YES1: variants seen among roughly 807,000 people sequenced by gnomAD.
YES1 encodes tyrosine-protein kinase Yes.
In YES1, 39 loss-of-function variants were observed where a neutral mutation model predicts 70.4. That is an observed-to-expected ratio of 0.55 (90% CI 0.43 to 0.72). YES1 has a LOEUF of 0.72. Among genes scored for constraint, YES1 ranks in the 30% least tolerant of loss-of-function variants. The pLI is 0.00. For missense variants in YES1, 495 were observed against 644.8 expected, an observed-to-expected ratio of 0.77 and a Z score of 2.52; for synonymous variants, 198 against 218.6, an observed-to-expected ratio of 0.91 and a Z score of 0.83.
chr18:789,121 C>T (rs1906110671), intron 1 of YES1, among the ~76,000 whole-genome samples: 2 of 152,198 alleles, frequency 1.3e-5, no homozygotes, highest in South Asian at 4.1e-4. Flanking sequence ...ATTTTCCACA[C>T]TGTTGTTTGG....
At chr18:788,953 T>C (rs1906102571) in intron 1 of YES1, among the ~76,000 whole-genome samples, 1 of 152,166 alleles carries the variant, frequency 6.6e-6, no homozygotes, top group Non-Finnish European at 1.5e-5. Flanking sequence ...ATGAGAAATA[T>C]TTCCTTGCTC....
Position 721,748 on chromosome 18 carries a change from G to A in YES1, c.*2676C>T, listed in dbSNP as rs1264199673. 6.6e-6 allele frequency: 1 copy of A among 152,160 alleles called. No homozygotes were observed. Among genetic ancestry groups the A allele is most frequent in the Non-Finnish European group, 1.5e-5 (1 of 68,016 alleles). The allele number at this position is 152,160 out of a possible 1,614,324, so 9.4% of individuals were successfully genotyped here. On this transcript the variant is annotated 3_prime_UTR_variant, in exon 12 of 12. Transcript: ENST00000314574. ...GAATAGCAACTAAAACGATTAATAG[G>A]TGCATTCAATGAGAACTTTTTATTT...
intron 1 of YES1, among the ~76,000 whole-genome samples, 197 bp from the exon 2 acceptor site, chr18:757,032 CA>C (rs1315006236): frequency 6.6e-6 from 1 of 152,204 alleles, no homozygotes; most frequent in African/African-American, 2.4e-5. Flanking sequence ...AGCCCTACTC[CA>C]ATCGCTTCAT....
At chr18:777,655 A>C (rs2145790772) in intron 1 of YES1, among the ~76,000 whole-genome samples, 1 of 151,916 alleles carries the variant, frequency 6.6e-6, no homozygotes, top group Admixed American at 6.6e-5. Context: ...AAAAATACAA[A>C]AATCAGCCAG....
At chr18:736,737 AC>A (rs750644702) in intron 10 of YES1, 70 bp downstream of exon 10, 61 of 1,542,762 alleles carry the variant, frequency 4.0e-5, no homozygotes, top group Non-Finnish European at 4.9e-5. Flanking sequence ...ATTCTGGAAA[AC>A]CCTGTATAGT....
At chr18:744,582 G>A (rs1017419941) in intron 6 of YES1, among the ~76,000 whole-genome samples, 2 of 149,472 alleles carry the variant, frequency 1.3e-5, no homozygotes, top group Non-Finnish European at 3.0e-5. Context: ...AATAGATAGG[G>A]TTTTGCCATG....
At chr18:751,261 C>A (rs2080339066) in intron 3 of YES1, among the ~76,000 whole-genome samples, 1 of 152,026 alleles carries the variant, frequency 6.6e-6, no homozygotes, top group Non-Finnish European at 1.5e-5. Context: ...AAAAGTCTGT[C>A]ACAAAAGGAA....
chr18:795,473 TA>T, intron 1 of YES1, among the ~76,000 whole-genome samples: 1 of 152,154 alleles, frequency 6.6e-6, no homozygotes, highest in Non-Finnish European at 1.5e-5. Context: ...CTTGCAGCAC[TA>T]TTTACAACAG....
At chr18:737,080 A>G (rs2080162548) in intron 9 of YES1, 119 bp from the exon 10 acceptor site, 1 of 840,032 alleles carries the variant, frequency 1.2e-6, no homozygotes, top group East Asian at 2.7e-5. Flanking sequence ...GAAGGAGATG[A>G]TGGTAACAGG....
chr18:775,598 A>G lies in YES1; in HGVS notation c.-8-18763T>C, dbSNP rs79116792. The stretch of plus-strand genomic sequence containing the variant: ...GATTGTGTGAGCCCAGGAGTTTGAG[A>G]CCACCCTGAGCAACATAATGAGACC... On this transcript the variant is annotated intron_variant, in intron 1 of 11. Coordinates refer to ENST00000314574, the MANE Select transcript of YES1 (RefSeq NM_005433.4). Among the ~76,000 whole-genome samples the G allele has an allele frequency of 4.2e-3, 634 of 152,268 alleles. 3 individuals are homozygous for G. Among genetic ancestry groups the G allele is most frequent in the African/African-American group, 0.014 (598 of 41,546 alleles).
intron 1 of YES1, among the ~76,000 whole-genome samples, chr18:806,108 TTTTC>T (rs1438430220): frequency 1.3e-5 from 2 of 152,208 alleles, no homozygotes; most frequent in African/African-American, 4.8e-5. Context: ...CAGGACTTCT[TTTTC>T]TTTTTGTCCT....
intron 7 of YES1, 35 bp downstream of exon 7, chr18:743,225 A>G: frequency 1.3e-6 from 2 of 1,599,728 alleles, no homozygotes; most frequent in Non-Finnish European, 1.7e-6. Flanking sequence ...TCCACAGCTA[A>G]ACAATGACAG....
intron 1 of YES1, among the ~76,000 whole-genome samples, chr18:780,231 C>G (rs905359021): frequency 6.6e-6 from 1 of 152,006 alleles, no homozygotes; most frequent in Non-Finnish European, 1.5e-5. Flanking sequence ...GACTTTGTCT[C>G]CAAAACAAAA....
intron 4 of YES1, among the ~76,000 whole-genome samples, chr18:747,353 C>T (rs2080292572): frequency 1.3e-5 from 2 of 152,120 alleles, no homozygotes; most frequent in Admixed American, 6.6e-5. Flanking sequence ...CCTGTAGTCC[C>T]AGCTACTTGG....
intron 9 of YES1, chr18:738,277 T>A (rs116663455): frequency 4.1e-4 from 62 of 152,226 alleles, no homozygotes; most frequent in African/African-American, 1.4e-3. Flanking sequence ...CTACCACATA[T>A]CTGAAGAGAA....
Position 722,458 on chromosome 18 carries a change from A to G in YES1, c.*1966T>C. ...TAAAATCAGGTAAATAATGATAGTT[A>G]AGAATTATATCCTGAAAATAGAGGG... On this transcript the variant is annotated 3_prime_UTR_variant, in exon 12 of 12. Coordinates refer to ENST00000314574, the MANE Select transcript of YES1 (RefSeq NM_005433.4). The G allele has an allele frequency of 6.6e-6, 1 of 152,652 alleles. No homozygotes were observed. Among genetic ancestry groups the G allele is most frequent in the Non-Finnish European group, 1.5e-5 (1 of 68,044 alleles). The allele number at this position is 152,652 out of a possible 1,614,324, so 9.5% of individuals were successfully genotyped here. A position where few individuals can be genotyped will look rare whatever the true frequency, so the allele number is the denominator to read the frequency against.
At chr18:765,881 T>G (rs1333287998) in intron 1 of YES1, among the ~76,000 whole-genome samples, 1 of 152,210 alleles carries the variant, frequency 6.6e-6, no homozygotes, top group Non-Finnish European at 1.5e-5. Flanking sequence ...CTTAACATCA[T>G]GAAGACAAAA....
intron 1 of YES1, among the ~76,000 whole-genome samples, chr18:777,671 G>A (rs1905449248): frequency 6.6e-6 from 1 of 151,888 alleles, no homozygotes; most frequent in Admixed American, 6.6e-5. Context: ...GCCAGGCATG[G>A]TGGTGTGCGC....
chr18:794,570 A>T (rs1330255772), intron 1 of YES1, among the ~76,000 whole-genome samples: 3 of 152,132 alleles, frequency 2.0e-5, no homozygotes, highest in Non-Finnish European at 2.9e-5. Flanking sequence ...TAGAAAAAAA[A>T]TGGCTTAAAA....
Sources: gnomAD v4.1 joint callset for allele counts (sites outside exome capture counted in the v4.1 genomes callset) on GRCh38, gnomAD v4.1.1 for gene constraint, MANE v1.5 for transcripts, NCBI Gene and HGNC (gene_info 2026-07-23, HGNC 2026-07-21) for gene names.